CCBE1: variants seen among roughly 807,000 people sequenced by gnomAD.
CCBE1 encodes collagen and calcium-binding EGF domain-containing protein 1.
CCBE1 carries 37 observed loss-of-function variants against 50.0 expected under a neutral mutation model. That is an observed-to-expected ratio of 0.74 (90% CI 0.57 to 0.97). CCBE1 has a LOEUF of 0.97. Ranked by LOEUF, CCBE1 falls within the 50% of genes least tolerant of loss-of-function variation. The probability of loss-of-function intolerance (pLI) is 0.00; values close to 1 mark genes in which losing one functional copy is unlikely to be tolerated. For synonymous variants in CCBE1, 234 were observed against 203.7 expected (o/e 1.15, Z -1.27); for missense variants, 538 against 523.8 (o/e 1.03, Z -0.26).
At chr18:59,688,566 AAC>A (rs1318668725) in intron 2 of CCBE1, among the ~76,000 whole-genome samples, 1 of 152,260 alleles carries the variant, frequency 6.6e-6, no homozygotes, top group Non-Finnish European at 1.5e-5. Context: ...AAACCAAGGT[AAC>A]ACTCAAGGGT....
At chr18:59,496,874 G>A (rs146897248) in intron 2 of CCBE1, among the ~76,000 whole-genome samples, 35 of 152,328 alleles carry the variant, frequency 2.3e-4, no homozygotes, top group Admixed American at 5.9e-4. Context: ...ATGTGGAGAC[G>A]TCACATGGTA....
intron 2 of CCBE1, among the ~76,000 whole-genome samples, chr18:59,570,423 C>T (rs1190948856): frequency 6.6e-6 from 1 of 152,310 alleles, no homozygotes; most frequent in East Asian, 1.9e-4. Flanking sequence ...GATAGTCAGC[C>T]ACCAGTTTTT....
At chr18:59,638,444 C>T (rs2053943291) in intron 2 of CCBE1, among the ~76,000 whole-genome samples, 1 of 152,192 alleles carries the variant, frequency 6.6e-6, no homozygotes, top group African/African-American at 2.4e-5. Flanking sequence ...ATCAGCACCA[C>T]TAGAGAACTT....
At chr18:59,470,553 A>G (rs1395855189) in intron 3 of CCBE1, among the ~76,000 whole-genome samples, 2 of 152,118 alleles carry the variant, frequency 1.3e-5, no homozygotes, top group African/African-American at 4.8e-5. Context: ...GTGAGTTTGA[A>G]TGGCTAGAGG....
chr18:59,673,389 TG>T (rs2054460054), intron 2 of CCBE1, among the ~76,000 whole-genome samples: 1 of 152,146 alleles, frequency 6.6e-6, no homozygotes, highest in Non-Finnish European at 1.5e-5. Context: ...ATGTGGAGGT[TG>T]TAGTGAGCCA....
chr18:59,665,191 G>T (rs1307350429), intron 2 of CCBE1, among the ~76,000 whole-genome samples: 4 of 152,116 alleles, frequency 2.6e-5, no homozygotes, highest in Non-Finnish European at 5.9e-5. Flanking sequence ...CGAGACAAAA[G>T]CTCACGCAAG....
chr18:59,534,083 G>A (rs750111855), intron 2 of CCBE1, among the ~76,000 whole-genome samples: 2 of 148,956 alleles, frequency 1.3e-5, no homozygotes, highest in Admixed American at 6.8e-5. Context: ...GTTCGATTCC[G>A]CCTTAGTGAT....
At chr18:59,457,471 A>G (rs1360534969) in intron 5 of CCBE1, among the ~76,000 whole-genome samples, 2 of 152,152 alleles carry the variant, frequency 1.3e-5, no homozygotes, top group Non-Finnish European at 2.9e-5. Context: ...TGGAATTACA[A>G]TTCCCACCAC....
intron 2 of CCBE1, among the ~76,000 whole-genome samples, chr18:59,671,067 C>T (rs149327341): frequency 1.1e-4 from 17 of 152,282 alleles, no homozygotes; most frequent in East Asian, 7.7e-4. Flanking sequence ...AAGCAAAGCT[C>T]GGCAAAGGAC....
chr18:59,537,535 C>T (rs143769672), intron 2 of CCBE1, among the ~76,000 whole-genome samples: 124 of 152,286 alleles, frequency 8.1e-4, no homozygotes, highest in African/African-American at 2.9e-3. Flanking sequence ...TAAGATGTGC[C>T]TTTTGCCTTC....
intron 6 of CCBE1, among the ~76,000 whole-genome samples, chr18:59,450,656 C>T (rs1393617530): frequency 6.6e-6 from 1 of 152,220 alleles, no homozygotes; most frequent in Admixed American, 6.5e-5. Flanking sequence ...GCCTCAGCCT[C>T]CCGAGTAGAT....
chr18:59,691,218 C>T (rs1336614401), intron 2 of CCBE1, among the ~76,000 whole-genome samples: 2 of 152,200 alleles, frequency 1.3e-5, no homozygotes, highest in African/African-American at 4.8e-5. Context: ...ATGGAGCTAG[C>T]CTCTGAGGAT....
intron 2 of CCBE1, among the ~76,000 whole-genome samples, chr18:59,555,649 AACC>A: frequency 6.6e-6 from 1 of 152,356 alleles, no homozygotes; most frequent in Non-Finnish European, 1.5e-5. Context: ...GAATGCCAAC[AACC>A]CTGGGGTCTT....
rs145815764 is a variant in CCBE1 at position 59,674,787 on chromosome 18, A to G, written c.212+21842T>C. ...ATTTCTAAGATATCTTGTGTAATCC[A>G]CAACTTTTATAAAATATAACTGCTC... On this transcript the variant is annotated intron_variant, in intron 2 of 10. Transcript: ENST00000439986. Among the ~76,000 whole-genome samples the G allele has an allele frequency of 3.7e-4, 56 of 152,368 alleles. 2 individuals carry two copies. The East Asian group carries it at 0.01, about 28-fold the overall frequency.
chr18:59,660,430 G>A (rs189738751), intron 2 of CCBE1, among the ~76,000 whole-genome samples: 84 of 151,978 alleles, frequency 5.5e-4, no homozygotes, highest in African/African-American at 1.5e-3. Context: ...CTTCATTCTC[G>A]GTGTACGGTA....
chr18:59,681,855 G>T (rs2054592643), intron 2 of CCBE1, among the ~76,000 whole-genome samples: 1 of 152,202 alleles, frequency 6.6e-6, no homozygotes, highest in Non-Finnish European at 1.5e-5. Flanking sequence ...CAGTCGAGAT[G>T]ATCACCCTTG....
chr18:59,522,083 T>C (rs1356977017), intron 2 of CCBE1, among the ~76,000 whole-genome samples: 2 of 152,226 alleles, frequency 1.3e-5, no homozygotes, highest in Admixed American at 6.5e-5. Flanking sequence ...ATTCATTGGC[T>C]ACATTATATT....
intron 2 of CCBE1, among the ~76,000 whole-genome samples, chr18:59,528,804 G>A (rs893413126): frequency 1.3e-5 from 2 of 152,182 alleles, no homozygotes; most frequent in African/African-American, 4.8e-5. Flanking sequence ...AATGCAGGCT[G>A]CAGAACAGCA....
At chr18:59,560,296 G>A (rs578084483) in intron 2 of CCBE1, among the ~76,000 whole-genome samples, 2 of 152,310 alleles carry the variant, frequency 1.3e-5, no homozygotes, top group African/African-American at 4.8e-5. Context: ...CTGAACTCCA[G>A]TATTCCTTAA....
Sources: allele counts gnomAD v4.1 joint callset (sites outside exome capture counted in the v4.1 genomes callset), GRCh38; gene constraint gnomAD v4.1.1; transcripts MANE v1.5; gene names NCBI Gene and HGNC (gene_info 2026-07-23, HGNC 2026-07-21).